TLE1: variants seen among roughly 807,000 people sequenced by gnomAD.
TLE1 encodes the protein transducin-like enhancer protein 1.
In TLE1, 21 loss-of-function variants were observed where a neutral mutation model predicts 89.8. The ratio of observed to expected loss-of-function variants is 0.23; its 90% confidence interval spans 0.17 to 0.34. The LOEUF is 0.34. Among genes scored for constraint, TLE1 ranks in the 10% least tolerant of loss-of-function variants. The pLI is 1.00. For synonymous variants in TLE1, 447 were observed against 407.6 expected (o/e 1.10, Z -1.16); for missense variants, 795 against 1,031.2 (o/e 0.77, Z 3.14).
chr9:81,585,770 C>T (rs1828317132), intron 17 of TLE1, 115 bp from the exon 18 acceptor site: 2 of 1,357,864 alleles, frequency 1.5e-6, no homozygotes, highest in South Asian at 2.8e-5. Flanking sequence ...CAGCCAAGTC[C>T]AGACTGTGGG....
chr9:81,663,771 C>T (rs569910215), intron 4 of TLE1, among the ~76,000 whole-genome samples: 1 of 151,812 alleles, frequency 6.6e-6, no homozygotes, highest in Non-Finnish European at 1.5e-5. Flanking sequence ...GGACTACAGG[C>T]ACCTGCCACC....
chr9:81,621,023 TA>T, intron 8 of TLE1: 1 of 308,514 alleles, frequency 3.2e-6, no homozygotes, highest in Non-Finnish European at 6.6e-6. Flanking sequence ...CATGGTTTCC[TA>T]AAAGGCAAAT....
At position 81,600,113 on chromosome 9, in the gene TLE1, G is replaced by C. The variant is rs765385372; in HGVS notation, c.1332-6839C>G. ...CTCAATGTGCTGGGGCAGGAACAAG[G>C]CTCCTAAACAGGACAAAGATACAAA... is the stretch of plus-strand genomic sequence containing the variant. On this transcript the variant is annotated intron_variant, in intron 14 of 19. Coordinates refer to ENST00000376499, the MANE Select transcript of TLE1 (RefSeq NM_005077.5). The C allele has an allele frequency of 1.1e-4, 81 of 744,046 alleles. No homozygotes were observed. In the African/African-American group the frequency reaches 1.2e-3, roughly 11 times the overall value. The allele number at this position is 744,046 out of a possible 1,614,324, so 46.1% of individuals were successfully genotyped here. A position where few individuals can be genotyped will look rare whatever the true frequency, so the allele number is the denominator to read the frequency against.
intron 15 of TLE1, among the ~76,000 whole-genome samples, chr9:81,592,133 C>T (rs1486603528): frequency 5.3e-5 from 8 of 152,106 alleles, no homozygotes; most frequent in Non-Finnish European, 7.4e-5. Flanking sequence ...CCAAGGCGGG[C>T]GGATCACAAG....
chr9:81,659,631 T>G (rs955246134), intron 4 of TLE1, among the ~76,000 whole-genome samples: 1 of 152,120 alleles, frequency 6.6e-6, no homozygotes, highest in Non-Finnish European at 1.5e-5. Flanking sequence ...TCTACAACAG[T>G]CTTTCATTCT....
Position 81,635,797 on chromosome 9 carries a change from C to A in TLE1, c.373-1496G>T, listed in dbSNP as rs76178854. Among the ~76,000 whole-genome samples the A allele has an allele frequency of 7.3e-3, 1,112 of 152,300 alleles. 16 individuals are homozygous for A. The highest frequency in any genetic ancestry group is 0.026 in the African/African-American group (1,062 of 41,552). On this transcript the variant is annotated intron_variant, in intron 6 of 19. Coordinates refer to ENST00000376499, the MANE Select transcript of TLE1 (RefSeq NM_005077.5). ...CCTCAAAAGTTAGAGAAAACACCAT[C>A]TTAAGGCAGAAATCAGTGTCTGTGG...
intron 6 of TLE1, among the ~76,000 whole-genome samples, chr9:81,642,881 T>C (rs564382282): frequency 1.3e-5 from 2 of 152,200 alleles, no homozygotes; most frequent in Non-Finnish European, 2.9e-5. Context: ...ATAAACACAA[T>C]GGAATACCAT....
intron 4 of TLE1, among the ~76,000 whole-genome samples, chr9:81,664,717 A>T (rs946933764): frequency 6.6e-6 from 1 of 151,942 alleles, no homozygotes; most frequent in African/African-American, 2.4e-5. Context: ...AAGAAAAAAA[A>T]AAATAAGTGA....
intron 4 of TLE1, among the ~76,000 whole-genome samples, chr9:81,658,961 T>C (rs1830454132): frequency 6.6e-6 from 1 of 152,020 alleles, no homozygotes; most frequent in East Asian, 1.9e-4. Flanking sequence ...CAGGCTGGAG[T>C]ACAGTGGAGC....
chr9:81,633,288 CGTGT>C lies in TLE1; in HGVS notation c.594+56_594+59del, dbSNP rs56327119. On this transcript the variant is annotated intron_variant, in intron 8 of 19. Coordinates refer to ENST00000376499, the MANE Select transcript of TLE1 (RefSeq NM_005077.5). ...TGGAGAAGTGTTGTCAGAAGGGGACCGTGTGTGTGTGTGTGTGTGTGTGTGTGTG... is the reference window on the plus strand; with the variant it reads ...TGGAGAAGTGTTGTCAGAAGGGGACCGTGTGTGTGTGTGTGTGTGTGTGTG... The C allele has an allele frequency of 2.3e-3, 3,591 of 1,560,724 alleles. 2 individuals carry two copies. The highest frequency in any genetic ancestry group is 9.5e-3 in the African/African-American group (691 of 73,118).
chr9:81,632,651 G>A (rs1230655991), intron 8 of TLE1, among the ~76,000 whole-genome samples: 4 of 152,154 alleles, frequency 2.6e-5, no homozygotes, highest in African/African-American at 9.7e-5. Context: ...CTAACTGGCA[G>A]ATGCATGTAC....
At chr9:81,585,368 T>A (rs1828247380) in intron 18 of TLE1, 137 bp downstream of exon 18, 1 of 1,126,052 alleles carries the variant, frequency 8.9e-7, no homozygotes, top group South Asian at 1.6e-5. Context: ...CTGAAGGGCA[T>A]ATTAAAACAA....
At chr9:81,598,052 G>A (rs1206106608) in intron 14 of TLE1, among the ~76,000 whole-genome samples, 2 of 152,132 alleles carry the variant, frequency 1.3e-5, no homozygotes, top group East Asian at 1.9e-4. Context: ...CAGAGAGGAC[G>A]GCTGTGGTCA....
At chr9:81,635,784 G>A (rs1371821994) in intron 6 of TLE1, among the ~76,000 whole-genome samples, 1 of 152,130 alleles carries the variant, frequency 6.6e-6, no homozygotes, top group Non-Finnish European at 1.5e-5. Flanking sequence ...TCAAAAGTTA[G>A]AGAAAACACC....
intron 9 of TLE1, among the ~76,000 whole-genome samples, chr9:81,619,206 G>C (rs965701619): frequency 1.3e-5 from 2 of 152,182 alleles, no homozygotes; most frequent in Admixed American, 1.3e-4. Context: ...AACAGGCAAG[G>C]GGAGAATGAT....
At chr9:81,686,261 C>T (rs1002725737) in intron 2 of TLE1, among the ~76,000 whole-genome samples, 5 of 152,186 alleles carry the variant, frequency 3.3e-5, no homozygotes, top group African/African-American at 1.2e-4. Context: ...CACTCTTAGG[C>T]ATAGGCTGTG....
chr9:81,640,806 ATGT>A (rs1828015582), intron 6 of TLE1, among the ~76,000 whole-genome samples: 1 of 152,210 alleles, frequency 6.6e-6, no homozygotes, highest in Non-Finnish European at 1.5e-5. Context: ...GCTTATCACC[ATGT>A]TGTTGTAGCC....
At chr9:81,680,103 G>GT (rs1833417881) in intron 4 of TLE1, among the ~76,000 whole-genome samples, 2 of 152,182 alleles carry the variant, frequency 1.3e-5, no homozygotes, top group African/African-American at 4.8e-5. Flanking sequence ...TTCTGCGGGT[G>GT]TATGCTGGGA....
chr9:81,642,705 G>C (rs1486213477), intron 6 of TLE1, among the ~76,000 whole-genome samples: 1 of 135,190 alleles, frequency 7.4e-6, no homozygotes. Context: ...AAAAATGAAA[G>C]AAAAGAAAGA....
Sources: gnomAD v4.1 joint callset for allele counts (sites outside exome capture counted in the v4.1 genomes callset) on GRCh38, gnomAD v4.1.1 for gene constraint, MANE v1.5 for transcripts, NCBI Gene and HGNC (gene_info 2026-07-23, HGNC 2026-07-21) for gene names.